Variants in HSPA12A observed in about 807,000 individuals in gnomAD.
The protein encoded by HSPA12A is heat shock 70 kDa protein 12A.
Under a neutral mutation model 69.2 loss-of-function variants are expected in HSPA12A, and 28 were observed. That is an observed-to-expected ratio of 0.40 (90% CI 0.30 to 0.55). The LOEUF is 0.55. HSPA12A is among the 20% of genes least tolerant of loss of function. The pLI is 0.38. For missense variants in HSPA12A, 686 were observed against 900.7 expected (o/e 0.76, Z 3.05); for synonymous variants, 345 against 370.5 (o/e 0.93, Z 0.79).
At chr10:116,804,155 A>G (rs1031722195) in intron 2 of HSPA12A, among the ~76,000 whole-genome samples, 1 of 152,038 alleles carries the variant, frequency 6.6e-6, no homozygotes, top group Non-Finnish European at 1.5e-5. Flanking sequence ...CCTCCCTCCA[A>G]AAAAACGATG....
chr10:116,840,778 G>A (rs1439172588), intron 1 of HSPA12A, among the ~76,000 whole-genome samples: 3 of 149,864 alleles, frequency 2.0e-5, no homozygotes, highest in East Asian at 1.9e-4. Flanking sequence ...CAAGTTTCCC[G>A]AAAGTTTGTA....
intron 1 of HSPA12A, among the ~76,000 whole-genome samples, chr10:116,738,837 C>T (rs527330149): frequency 3.0e-4 from 46 of 152,172 alleles, no homozygotes; most frequent in African/African-American, 9.4e-4. Flanking sequence ...GGGCCAAAGG[C>T]GATCACAAGG....
chr10:116,785,551 C>T (rs764846239), intron 2 of HSPA12A, among the ~76,000 whole-genome samples: 4 of 152,138 alleles, frequency 2.6e-5, no homozygotes, highest in Non-Finnish European at 5.9e-5. Context: ...AAGCCTCCAC[C>T]TCAATGCAGG....
Position 116,675,459 on chromosome 10 carries a change from G to A in HSPA12A, c.1391-41C>T, listed in dbSNP as rs781957260. ...CAGGGAGAATGTCCTGTCACCAAAAGCCAGCAAGGAAGGGGGAACTGGGCT... is the reference window on the plus strand; with the variant it reads ...CAGGGAGAATGTCCTGTCACCAAAAACCAGCAAGGAAGGGGGAACTGGGCT... On this transcript the variant is annotated intron_variant, in intron 11 of 11. Coordinates refer to ENST00000369209, the MANE Select transcript of HSPA12A (RefSeq NM_025015.3). The surrounding 1 kb of genome is among the most constrained non-coding windows in gnomAD (Gnocchi z 5.2). The A allele has an allele frequency of 9.9e-6, 15 of 1,507,552 alleles. No individual in the cohort carries two copies. The allele number at this position is 1,507,552 out of a possible 1,614,324, so 93.4% of individuals were successfully genotyped here.
At chr10:116,782,994 C>A (rs760021296) in intron 2 of HSPA12A, among the ~76,000 whole-genome samples, 1 of 152,122 alleles carries the variant, frequency 6.6e-6, no homozygotes, top group Admixed American at 6.5e-5. Flanking sequence ...GGCCCCAAGG[C>A]GAAAGAAGGG....
In HSPA12A at chr10:116,722,608, C is replaced by G. The variant is rs191130315; in HGVS notation, c.41-15323G>C. Among the ~76,000 whole-genome samples the G allele has an allele frequency of 2.6e-5, 4 of 152,276 alleles. No individual in the cohort carries two copies. The East Asian group carries it at 7.7e-4, about 29-fold the overall frequency. ...TGTGAAACATCCCCTGCACCCCACA[C>G]TCGGTGTGCCTGTCCTGAGCCCTCC... On this transcript the variant is annotated intron_variant, in intron 1 of 11. Coordinates refer to ENST00000369209, the MANE Select transcript of HSPA12A (RefSeq NM_025015.3).
At chr10:116,690,790 A>G (rs949381156) in intron 6 of HSPA12A, among the ~76,000 whole-genome samples, 27 of 147,150 alleles carry the variant, frequency 1.8e-4, no homozygotes, top group Admixed American at 6.1e-4. Context: ...TTCACCAGCC[A>G]CTGCACCTCT....
intron 1 of HSPA12A, chr10:116,835,104 T>A: frequency 1.1e-6 from 1 of 889,208 alleles, no homozygotes; most frequent in Non-Finnish European, 1.5e-6. Flanking sequence ...CTCGTGCTGG[T>A]TGACGGTTTG....
chr10:116,701,826 TGAG>T (rs1271457163), intron 3 of HSPA12A, among the ~76,000 whole-genome samples: 1 of 152,178 alleles, frequency 6.6e-6, no homozygotes, highest in Admixed American at 6.5e-5. Context: ...GGAATCAGGC[TGAG>T]GAGAACCCTG....
intron 1 of HSPA12A, among the ~76,000 whole-genome samples, chr10:116,711,663 T>C (rs991671611): frequency 1.6e-4 from 5 of 31,558 alleles, no homozygotes; most frequent in Non-Finnish European, 2.7e-4. Flanking sequence ...CTTTCTTTTT[T>C]TTTCTTTTTT....
At chr10:116,814,086 T>C (rs1453633970) in intron 2 of HSPA12A, among the ~76,000 whole-genome samples, 2 of 152,076 alleles carry the variant, frequency 1.3e-5, no homozygotes, top group East Asian at 3.9e-4. Flanking sequence ...ATGGAGGAAG[T>C]ATTAAAAGAC....
intron 1 of HSPA12A, among the ~76,000 whole-genome samples, chr10:116,740,567 A>G (rs1238662223): frequency 6.6e-6 from 1 of 152,048 alleles, no homozygotes; most frequent in African/African-American, 2.4e-5. Context: ...CAAACGCAGA[A>G]GAGCGGTGGC....
At chr10:116,730,672 C>T (rs1030540064) in intron 1 of HSPA12A, among the ~76,000 whole-genome samples, 6 of 152,266 alleles carry the variant, frequency 3.9e-5, no homozygotes, top group African/African-American at 1.4e-4. Flanking sequence ...CTGCCTGGCC[C>T]TGGGTGACTC....
intron 2 of HSPA12A, among the ~76,000 whole-genome samples, chr10:116,799,078 G>A (rs1589713571): frequency 6.6e-6 from 1 of 152,208 alleles, no homozygotes. Context: ...CACTCCCACA[G>A]CCTGGTCAGG....
Position 116,682,015 on chromosome 10 carries a change from C to T in HSPA12A, c.836-138G>A, listed in dbSNP as rs566228443. 2.2e-3 allele frequency: 1,538 copies of T among 690,314 alleles called. 33 individuals are homozygous for T. In the South Asian group the frequency reaches 0.026, roughly 12 times the overall value. The allele number at this position is 690,314 out of a possible 1,614,324, so 42.8% of individuals were successfully genotyped here. On this transcript the variant is annotated intron_variant, in intron 7 of 11. Coordinates refer to ENST00000369209, the MANE Select transcript of HSPA12A (RefSeq NM_025015.3). ...GACATTTGACCAAAATAAGTCAATA[C>T]GATGTCGGGAATCACAAAGCCAGCT... is the stretch of plus-strand genomic sequence containing the variant.
intron 2 of HSPA12A, among the ~76,000 whole-genome samples, chr10:116,791,606 A>G (rs189123309): frequency 4.6e-5 from 7 of 152,318 alleles, no homozygotes; most frequent in Admixed American, 2.0e-4. Flanking sequence ...CATACACTTA[A>G]GAATTCTACC....
rs781963076 is a variant in HSPA12A at position 116,683,749 on chromosome 10, G to A, written c.835+42C>T. 2.7e-6 allele frequency: 4 copies of A among 1,461,828 alleles called. No individual in the cohort carries two copies. In the Admixed American group the frequency reaches 5.8e-5, roughly 21 times the overall value. 90.6% of individuals were successfully genotyped at this position (1,461,828 alleles called of 1,614,324 possible). ...AGGGAGAGAGACATCCAGGGCTTGG[G>A]AAGGAAGGAGAGCAGGAGGGGGAGA... On this transcript the variant is annotated intron_variant, in intron 7 of 11. Transcript: ENST00000369209.
chr10:116,825,744 T>C (rs867784279), intron 2 of HSPA12A, among the ~76,000 whole-genome samples: 5 of 152,190 alleles, frequency 3.3e-5, no homozygotes, highest in African/African-American at 9.7e-5. Context: ...TATAAGGGTT[T>C]CTTTTTGGGG....
At chr10:116,727,737 G>A (rs913539212) in intron 1 of HSPA12A, among the ~76,000 whole-genome samples, 24 of 145,922 alleles carry the variant, frequency 1.6e-4, no homozygotes, top group African/African-American at 6.0e-4. Context: ...TCCAAGGGTA[G>A]GCTAATGTAA....
Sources: gnomAD v4.1 joint callset for allele counts (sites outside exome capture counted in the v4.1 genomes callset) on GRCh38, gnomAD v4.1.1 for gene constraint, Gnocchi (gnomAD v3.1) non-coding constraint, MANE v1.5 for transcripts, NCBI Gene and HGNC (gene_info 2026-07-23, HGNC 2026-07-21) for gene names.